The following FAM107B variants were observed in gnomAD, a reference collection of about 807,000 sequenced individuals.
FAM107B encodes the protein family with sequence similarity 107 member B, also known as protein FAM107B.
In FAM107B, 21 loss-of-function variants were observed where a neutral mutation model predicts 31.5. The observed-to-expected ratio is 0.67, with a 90% CI of 0.47 to 0.96. FAM107B has a LOEUF of 0.96. Ranked by LOEUF, FAM107B falls within the 40% of genes least tolerant of loss-of-function variation. The pLI is 0.00. For missense variants in FAM107B, 452 were observed against 377.1 expected, an observed-to-expected ratio of 1.20 and a Z score of -1.64; for synonymous variants, 157 against 141.5, an observed-to-expected ratio of 1.11 and a Z score of -0.78.
chr10:14,668,661 T>G (rs1175467980), intron 1 of FAM107B, among the ~76,000 whole-genome samples: 1 of 152,202 alleles, frequency 6.6e-6, no homozygotes, highest in African/African-American at 2.4e-5. Flanking sequence ...CCAATTAATT[T>G]ATTTGTTTTT....
intron 2 of FAM107B, chr10:14,548,496 G>A (rs897008498): frequency 4.1e-6 from 4 of 985,586 alleles, no homozygotes; most frequent in Non-Finnish European, 4.8e-6. Context: ...GAGAATGCTG[G>A]AGTTGGCCCA....
chr10:14,524,144 C>T (rs1845973120), intron 3 of FAM107B, among the ~76,000 whole-genome samples: 2 of 151,706 alleles, frequency 1.3e-5, no homozygotes, highest in East Asian at 1.9e-4. Context: ...CAGGTTCAAG[C>T]GATTCTCCTC....
chr10:14,589,056 C>T (rs980706466), intron 2 of FAM107B, among the ~76,000 whole-genome samples: 2 of 151,236 alleles, frequency 1.3e-5, no homozygotes. Context: ...GTGGTGCATG[C>T]CGGTGGTCTC....
intron 2 of FAM107B, among the ~76,000 whole-genome samples, chr10:14,635,578 G>T (rs2131424609): frequency 6.6e-6 from 1 of 152,176 alleles, no homozygotes; most frequent in Non-Finnish European, 1.5e-5. Context: ...AGTTAGTTCT[G>T]CTCTAAGGAG....
intron 2 of FAM107B, among the ~76,000 whole-genome samples, chr10:14,552,511 T>C (rs1326662831): frequency 6.6e-6 from 1 of 151,724 alleles, no homozygotes; most frequent in African/African-American, 2.4e-5. Flanking sequence ...GAGAAATACA[T>C]AGCCTTTACA....
chr10:14,559,108 AAAAAAAAAAC>A (rs769742248), intron 2 of FAM107B, among the ~76,000 whole-genome samples: 34,349 of 131,548 alleles, frequency 0.26, 4,355 homozygotes, highest in Middle Eastern at 0.32. Context: ...TCAAAAAAAA[AAAAAAAAAAC>A]AAAAAAAAAA....
chr10:14,747,297 A>G (rs1406825079), intron 1 of FAM107B, among the ~76,000 whole-genome samples: 3 of 152,218 alleles, frequency 2.0e-5, no homozygotes, highest in Non-Finnish European at 4.4e-5. Flanking sequence ...ACTTCTGTCA[A>G]TTCATACATC....
At chr10:14,571,688 A>C in intron 2 of FAM107B, 1 of 795,214 alleles carries the variant, frequency 1.3e-6, no homozygotes, top group Non-Finnish European at 1.5e-6. Flanking sequence ...TAACAAGTCT[A>C]AGTTCACACA....
intron 1 of FAM107B, among the ~76,000 whole-genome samples, chr10:14,770,743 T>C (rs921143336): frequency 1.3e-5 from 2 of 152,076 alleles, no homozygotes; most frequent in African/African-American, 2.4e-5. Context: ...ATACAAAAAG[T>C]TGAAGACTGA....
chr10:14,697,455 G>C (rs1387662382), intron 1 of FAM107B, among the ~76,000 whole-genome samples: 1 of 152,224 alleles, frequency 6.6e-6, no homozygotes, highest in Non-Finnish European at 1.5e-5. Context: ...GCTAGCCCAG[G>C]AATTAATTGT....
At chr10:14,528,814 C>T (rs1173914381) in intron 3 of FAM107B, among the ~76,000 whole-genome samples, 1 of 152,124 alleles carries the variant, frequency 6.6e-6, no homozygotes, top group Non-Finnish European at 1.5e-5. Context: ...AGCAATGACC[C>T]AAACTACTAA....
chr10:14,534,524 T>C (rs1847400365), intron 2 of FAM107B, among the ~76,000 whole-genome samples: 2 of 152,078 alleles, frequency 1.3e-5, no homozygotes, highest in African/African-American at 4.8e-5. Context: ...AATCCTATCT[T>C]CCGATCAAGC....
intron 2 of FAM107B, among the ~76,000 whole-genome samples, chr10:14,653,104 T>C (rs1465197799): frequency 2.0e-5 from 3 of 152,178 alleles, no homozygotes; most frequent in Non-Finnish European, 4.4e-5. Context: ...GCTCCATAAA[T>C]GTTGAATGAA....
chr10:14,762,586 C>T (rs1833072394), intron 1 of FAM107B, among the ~76,000 whole-genome samples: 1 of 151,412 alleles, frequency 6.6e-6, no homozygotes, highest in African/African-American at 2.4e-5. Context: ...GAAACCCTGT[C>T]TCTACTAAAA....
intron 1 of FAM107B, among the ~76,000 whole-genome samples, chr10:14,754,529 G>A (rs901071777): frequency 1.3e-5 from 2 of 152,192 alleles, no homozygotes; most frequent in Non-Finnish European, 2.9e-5. Flanking sequence ...CCAGCTGAAC[G>A]AGGATGTGAT....
At chr10:14,590,032 A>C (rs1341712401) in intron 2 of FAM107B, among the ~76,000 whole-genome samples, 1 of 152,182 alleles carries the variant, frequency 6.6e-6, no homozygotes, top group Non-Finnish European at 1.5e-5. Flanking sequence ...GAAACACTTA[A>C]CGTACTAATG....
At chr10:14,722,909 T>G (rs537818580) in intron 1 of FAM107B, among the ~76,000 whole-genome samples, 3 of 152,340 alleles carry the variant, frequency 2.0e-5, no homozygotes, top group Admixed American at 1.3e-4. Context: ...TCATGAAGAC[T>G]TACTCCTATG....
At chr10:14,546,827 T>C (rs147824745) in intron 2 of FAM107B, among the ~76,000 whole-genome samples, 1 of 152,304 alleles carries the variant, frequency 6.6e-6, no homozygotes, top group African/African-American at 2.4e-5. Flanking sequence ...GACCCCCATA[T>C]TCCCATCAGA....
chr10:14,704,269 C>CTGTGTGTGTGTGTGTGTGTG (rs113899632), intron 1 of FAM107B, among the ~76,000 whole-genome samples: 16 of 148,130 alleles, frequency 1.1e-4, no homozygotes, highest in East Asian at 2.0e-4. Context: ...GTAAATTGCT[C>CTGTGTGTGTGTGTGTGTGTG]TGTGTGTGTG....
Sources: allele counts gnomAD v4.1 joint callset (sites outside exome capture counted in the v4.1 genomes callset), GRCh38; gene constraint gnomAD v4.1.1; transcripts MANE v1.5; gene names NCBI Gene and HGNC (gene_info 2026-07-23, HGNC 2026-07-21).